The following KALRN variants were observed in gnomAD, a reference collection of about 807,000 sequenced individuals.
KALRN encodes kalirin.
In KALRN, 70 loss-of-function variants were observed where a neutral mutation model predicts 353.7. The ratio of observed to expected loss-of-function variants is 0.20; its 90% CI spans 0.16 to 0.24. KALRN has a LOEUF of 0.24. Among genes scored for constraint, KALRN ranks in the 10% least tolerant of loss-of-function variants. The probability of loss-of-function intolerance (pLI) is 1.00; values close to 1 mark genes in which losing one functional copy is unlikely to be tolerated. For synonymous variants in KALRN, 1,391 were observed against 1,434.8 expected, an observed-to-expected ratio of 0.97 and a Z score of 0.69; for missense variants, 2,791 against 3,756.7, an observed-to-expected ratio of 0.74 and a Z score of 6.72.
At chr3:124,326,418 A>G (rs570049632) in intron 7 of KALRN, among the ~76,000 whole-genome samples, 1 of 152,306 alleles carries the variant, frequency 6.6e-6, no homozygotes, top group African/African-American at 2.4e-5. Flanking sequence ...GGGGACCCAG[A>G]GCCTTTTTAC....
intron 37 of KALRN, among the ~76,000 whole-genome samples, chr3:124,645,957 A>G (rs1559757532): frequency 6.6e-6 from 1 of 152,090 alleles, no homozygotes; most frequent in African/African-American, 2.4e-5. Flanking sequence ...CACCCTTGCC[A>G]ACATTTGTTA....
At chr3:124,156,785 C>T (rs928002126) in intron 1 of KALRN, among the ~76,000 whole-genome samples, 1 of 152,174 alleles carries the variant, frequency 6.6e-6, no homozygotes, top group African/African-American at 2.4e-5. Context: ...AAAACAATGA[C>T]ATGGAGTTAG....
intron 15 of KALRN, among the ~76,000 whole-genome samples, chr3:124,423,734 G>A (rs2092891892): frequency 6.6e-6 from 1 of 152,160 alleles, no homozygotes; most frequent in African/African-American, 2.4e-5. Context: ...AGCTGAATGT[G>A]GTGGCACATG....
intron 31 of KALRN, among the ~76,000 whole-genome samples, chr3:124,492,172 T>C (rs982085029): frequency 1.3e-5 from 2 of 152,220 alleles, no homozygotes; most frequent in Admixed American, 1.3e-4. Flanking sequence ...CTGCTACCTG[T>C]TGTGAGGCAG....
chr3:124,125,250 A>G (rs2064510543), intron 1 of KALRN, among the ~76,000 whole-genome samples: 2 of 152,202 alleles, frequency 1.3e-5, no homozygotes, highest in Admixed American at 1.3e-4. Context: ...AGGAAACTGA[A>G]TCTCAAAAAG....
chr3:124,669,353 AAAAC>A (rs1209391723), intron 47 of KALRN, among the ~76,000 whole-genome samples: 1 of 152,220 alleles, frequency 6.6e-6, no homozygotes, highest in Non-Finnish European at 1.5e-5. Flanking sequence ...CGATCAGTCA[AAAAC>A]AAACCCTGTA....
chr3:124,545,023 G>A (rs964472325), intron 33 of KALRN, among the ~76,000 whole-genome samples: 1 of 152,168 alleles, frequency 6.6e-6, no homozygotes, highest in Admixed American at 6.5e-5. Flanking sequence ...TTGTGAAGGA[G>A]TTAGGATTTT....
rs189981757 is a variant in KALRN, at chr3:124,478,806, T to C, written c.4191+1472T>C. 3.7e-3 allele frequency among the ~76,000 whole-genome samples: 561 copies of C among 152,306 alleles called. 14 individuals are homozygous for C. The highest frequency in any genetic ancestry group is 0.033 in the Admixed American group (503 of 15,298). ...CCACTTAGCACTTTTCTGACATACA[T>C]GTCCTGTGCTCTGAGCATGTCTCAA... is the stretch of plus-strand genomic sequence containing the variant. On this transcript the variant is annotated intron_variant, in intron 27 of 59. Transcript: ENST00000682506.
chr3:124,227,258 C>G (rs770634812), intron 1 of KALRN, among the ~76,000 whole-genome samples: 1 of 152,080 alleles, frequency 6.6e-6, no homozygotes, highest in South Asian at 2.1e-4. Context: ...AAATGAGAAG[C>G]AAGATTTAGA....
chr3:124,430,589 G>C, intron 15 of KALRN, 67 bp from the exon 16 acceptor site: 1 of 1,585,082 alleles, frequency 6.3e-7, no homozygotes, highest in Non-Finnish European at 8.6e-7. Context: ...GTCCCCATGA[G>C]AGGAGGCAAC....
At chr3:124,604,360 T>C (rs1476627629) in intron 34 of KALRN, among the ~76,000 whole-genome samples, 1 of 152,142 alleles carries the variant, frequency 6.6e-6, no homozygotes, top group African/African-American at 2.4e-5. Context: ...AAGTTATGCA[T>C]CGAGCCTGAA....
At chr3:124,420,162 A>C (rs1014946440) in intron 14 of KALRN, among the ~76,000 whole-genome samples, 9 of 152,206 alleles carry the variant, frequency 5.9e-5, no homozygotes. Flanking sequence ...CTCACATAAA[A>C]CAACATCAAA....
chr3:124,460,653 A>C (rs892061542), intron 23 of KALRN, among the ~76,000 whole-genome samples: 10 of 152,174 alleles, frequency 6.6e-5, no homozygotes, highest in African/African-American at 2.2e-4. Context: ...CTGTGTGATC[A>C]GCTATTTTAT....
chr3:124,406,832 C>CTTTTTTTT (rs10686645), intron 13 of KALRN, among the ~76,000 whole-genome samples: 23 of 126,258 alleles, frequency 1.8e-4, no homozygotes, highest in South Asian at 2.5e-4. Flanking sequence ...AGTTGCTTTG[C>CTTTTTTTT]TTTTTTTTTT....
At chr3:124,082,630 G>T (rs896699333) in intron 1 of KALRN, among the ~76,000 whole-genome samples, 1 of 152,164 alleles carries the variant, frequency 6.6e-6, no homozygotes, top group Non-Finnish European at 1.5e-5. Context: ...TTAGGTGCTC[G>T]GTGCTTATGG....
chr3:124,703,284 T>C (rs938101838), intron 57 of KALRN, among the ~76,000 whole-genome samples: 22 of 152,234 alleles, frequency 1.4e-4, no homozygotes, highest in Middle Eastern at 6.8e-3. Context: ...CCTGTCTTCT[T>C]TGTGTAGCCA....
At chr3:124,641,099 C>T (rs1380618153) in intron 37 of KALRN, among the ~76,000 whole-genome samples, 1 of 152,108 alleles carries the variant, frequency 6.6e-6, no homozygotes, top group East Asian at 1.9e-4. Context: ...TTTATGGTCA[C>T]TTGGTCATTT....
intron 10 of KALRN, among the ~76,000 whole-genome samples, chr3:124,354,277 G>A (rs1033272112): frequency 6.6e-6 from 1 of 152,166 alleles, no homozygotes; most frequent in African/African-American, 2.4e-5. Context: ...TTTATCTCTC[G>A]TTCCATGTGA....
intron 1 of KALRN, among the ~76,000 whole-genome samples, chr3:124,189,527 G>A (rs1220739791): frequency 6.6e-6 from 1 of 152,208 alleles, no homozygotes; most frequent in Non-Finnish European, 1.5e-5. Context: ...AGAGGGCCAA[G>A]CAAGGTGGCT....
Sources: allele counts gnomAD v4.1 joint callset (sites outside exome capture counted in the v4.1 genomes callset), GRCh38; gene constraint gnomAD v4.1.1; transcripts MANE v1.5; gene names NCBI Gene and HGNC (gene_info 2026-07-23, HGNC 2026-07-21).